SWT1: variants seen among roughly 807,000 people sequenced by gnomAD.
SWT1 encodes transcriptional protein SWT1.
SWT1 carries 33 observed loss-of-function variants against 107.3 expected under a neutral mutation model. That is an observed-to-expected ratio of 0.31 (90% confidence interval 0.23 to 0.41). The LOEUF (loss-of-function observed/expected upper bound fraction) is 0.41. Among genes scored for constraint, SWT1 ranks in the 10% least tolerant of loss-of-function variants. The pLI, the probability that SWT1 is intolerant of heterozygous loss-of-function variation, is 1.00. For synonymous variants in SWT1, 345 were observed against 348.3 expected, an observed-to-expected ratio of 0.99 and a Z score of 0.11; for missense variants, 898 against 1,028.9, an observed-to-expected ratio of 0.87 and a Z score of 1.74.
At chr1:185,230,172 C>T (rs1372607935) in intron 15 of SWT1, among the ~76,000 whole-genome samples, 3 of 152,180 alleles carry the variant, frequency 2.0e-5, no homozygotes, top group Non-Finnish European at 2.9e-5. Flanking sequence ...GTGCTGCTGC[C>T]TAAAGTCTAC....
At chr1:185,186,929 A>G (rs879659611) in intron 9 of SWT1, among the ~76,000 whole-genome samples, 19 of 149,706 alleles carry the variant, frequency 1.3e-4, no homozygotes, top group Middle Eastern at 3.6e-3. Flanking sequence ...TAATTTTTGT[A>G]TTTTTAGTAG....
rs568166508 is a variant in SWT1 at position 185,209,139 on chromosome 1, T to A, written c.1972+2376T>A. ...GGAGGAATTTCTTGTGGGATTTTTT[T>A]AAGAAAATCCTTGAGACTGTTGTTA... On this transcript the variant is annotated intron_variant, in intron 13 of 18. Coordinates refer to ENST00000367500, the MANE Select transcript of SWT1 (RefSeq NM_017673.7). Among the ~76,000 whole-genome samples, 24 of 152,308 alleles carry A rather than the reference T, an allele frequency of 1.6e-4. 1 individual carries two copies. Among genetic ancestry groups the A allele is most frequent in the African/African-American group, 5.5e-4 (23 of 41,576 alleles).
chr1:185,195,471 G>A (rs1657307444), intron 10 of SWT1, among the ~76,000 whole-genome samples: 1 of 152,206 alleles, frequency 6.6e-6, no homozygotes, highest in Admixed American at 6.5e-5. Context: ...GTGTGCATGT[G>A]TCTTTATAGT....
chr1:185,266,926 A>G (rs2102714306), intron 16 of SWT1, among the ~76,000 whole-genome samples: 1 of 152,344 alleles, frequency 6.6e-6, no homozygotes, highest in African/African-American at 2.4e-5. Flanking sequence ...CATTTGATAA[A>G]AGACAGCTTT....
intron 12 of SWT1, among the ~76,000 whole-genome samples, chr1:185,205,557 C>T (rs185339133): frequency 3.3e-5 from 5 of 152,144 alleles, no homozygotes; most frequent in Admixed American, 2.0e-4. Context: ...TTATTAGAGA[C>T]GAGGTTTCAC....
chr1:185,214,986 G>T (rs1444808751), intron 14 of SWT1, among the ~76,000 whole-genome samples: 1 of 152,134 alleles, frequency 6.6e-6, no homozygotes, highest in African/African-American at 2.4e-5. Context: ...AAATACCTAG[G>T]AAATTGTTTT....
chr1:185,268,064 A>G (rs1299577801), intron 16 of SWT1, among the ~76,000 whole-genome samples: 1 of 152,188 alleles, frequency 6.6e-6, no homozygotes, highest in Non-Finnish European at 1.5e-5. Flanking sequence ...TCTAAATTCA[A>G]CCCCAAGTTG....
chr1:185,200,024 G>T (rs566087971), intron 10 of SWT1, among the ~76,000 whole-genome samples: 1 of 151,390 alleles, frequency 6.6e-6, no homozygotes, highest in African/African-American at 2.4e-5. Context: ...CCTTTCTTCC[G>T]CTTGATCGGT....
At chr1:185,209,681 A>T (rs1658614133) in intron 13 of SWT1, among the ~76,000 whole-genome samples, 1 of 152,236 alleles carries the variant, frequency 6.6e-6, no homozygotes, top group Admixed American at 6.5e-5. Flanking sequence ...GCCGCAGTAA[A>T]CATACATGTG....
intron 10 of SWT1, among the ~76,000 whole-genome samples, chr1:185,192,392 A>G (rs1454864055): frequency 6.6e-6 from 1 of 152,140 alleles, no homozygotes; most frequent in Admixed American, 6.5e-5. Context: ...GTAAATTTTG[A>G]TACCTGCCTT....
intron 1 of SWT1, among the ~76,000 whole-genome samples, chr1:185,159,797 T>A (rs1033372325): frequency 1.3e-5 from 2 of 152,182 alleles, no homozygotes; most frequent in Admixed American, 6.5e-5. Context: ...ACAATCTTAC[T>A]CACTACAACC....
intron 18 of SWT1, among the ~76,000 whole-genome samples, chr1:185,281,997 T>A (rs1223471062): frequency 6.6e-6 from 1 of 152,212 alleles, no homozygotes. Context: ...ACTGATCTTG[T>A]ACCTAATACT....
intron 14 of SWT1, among the ~76,000 whole-genome samples, chr1:185,216,006 T>C (rs2102505708): frequency 6.6e-6 from 1 of 152,344 alleles, no homozygotes; most frequent in East Asian, 1.9e-4. Context: ...TTTTTCTCAT[T>C]GATTTTTCAT....
At chr1:185,187,500 C>G (rs985476580) in intron 9 of SWT1, among the ~76,000 whole-genome samples, 1 of 151,918 alleles carries the variant, frequency 6.6e-6, no homozygotes, top group Non-Finnish European at 1.5e-5. Flanking sequence ...AGTATTTGTA[C>G]CAGACACTGT....
chr1:185,281,528 A>G, intron 18 of SWT1: 1 of 229,644 alleles, frequency 4.4e-6, no homozygotes, highest in Non-Finnish European at 8.8e-6. Context: ...AAACCATCAG[A>G]TCATCTGCCT....
intron 16 of SWT1, among the ~76,000 whole-genome samples, chr1:185,247,325 A>C (rs1016280100): frequency 2.0e-5 from 3 of 152,178 alleles, no homozygotes; most frequent in Non-Finnish European, 4.4e-5. Flanking sequence ...GCACAATTTC[A>C]GAAGGGATAA....
chr1:185,257,042 G>A (rs1182500699), intron 16 of SWT1, among the ~76,000 whole-genome samples: 2 of 152,014 alleles, frequency 1.3e-5, no homozygotes, highest in Non-Finnish European at 2.9e-5. Flanking sequence ...ACCCTGCCGT[G>A]TGAGGTGTCA....
Position 185,188,780 on chromosome 1 carries a change from T to C in SWT1, c.1430-1769T>C, listed in dbSNP as rs564903766. Reference sequence around the variant, plus strand: ...TTGGCTGGTATGTCTTAAATTTTAATGTATAAGAGACAGGCCAAGACCTTA... The same window carrying C: ...TTGGCTGGTATGTCTTAAATTTTAACGTATAAGAGACAGGCCAAGACCTTA... On this transcript the variant is annotated intron_variant, in intron 9 of 18. Coordinates refer to ENST00000367500, the MANE Select transcript of SWT1 (RefSeq NM_017673.7). Among the ~76,000 whole-genome samples, 14 of 152,296 alleles carry C rather than the reference T, an allele frequency of 9.2e-5. No homozygotes were observed. The South Asian group carries it at 2.7e-3, about 29-fold the overall frequency.
intron 1 of SWT1, among the ~76,000 whole-genome samples, chr1:185,159,358 C>T (rs1054643990): frequency 2.0e-5 from 3 of 152,140 alleles, no homozygotes; most frequent in African/African-American, 4.8e-5. Context: ...AACATTTGTC[C>T]GAATAAACAT....
Sources: gnomAD v4.1 joint callset for allele counts (sites outside exome capture counted in the v4.1 genomes callset) on GRCh38, gnomAD v4.1.1 for gene constraint, MANE v1.5 for transcripts, NCBI Gene and HGNC (gene_info 2026-07-23, HGNC 2026-07-21) for gene names.